Variants in IL1RAPL1 observed in about 807,000 individuals in gnomAD.
IL1RAPL1 encodes the protein interleukin-1 receptor accessory protein-like 1.
In IL1RAPL1, 3 loss-of-function variants were observed where a neutral mutation model predicts 48.4. The observed-to-expected ratio is 0.06, with a 90% CI of 0.03 to 0.16. IL1RAPL1 has a LOEUF of 0.16. Among genes scored for constraint, IL1RAPL1 ranks in the 10% least tolerant of loss-of-function variants. The probability of loss-of-function intolerance (pLI) is 1.00; values close to 1 mark genes in which losing one functional copy is unlikely to be tolerated. For synonymous variants in IL1RAPL1, 185 were observed against 187.7 expected (o/e 0.99, Z 0.12); for missense variants, 349 against 530.6 (o/e 0.66, Z 3.36).
rs1158532022 is a variant in IL1RAPL1, at chrX:29,811,755, C to A, written c.779-105709C>A. Among the ~76,000 whole-genome samples, 5 of 111,988 alleles carry A rather than the reference C, an allele frequency of 4.5e-5. No homozygotes were observed. In the East Asian group the frequency reaches 1.4e-3, roughly 31 times the overall value. On this transcript the variant is annotated intron_variant, in intron 6 of 10. Transcript: ENST00000378993. ...ATTTGAAAACTTACCAAATTATACA[C>A]TTTATGCAGTTAATTGTATGTTAAT...
At chrX:29,440,750 A>G (rs1934539130) in intron 5 of IL1RAPL1, among the ~76,000 whole-genome samples, 1 of 112,392 alleles carries the variant, frequency 8.9e-6, no homozygotes, top group African/African-American at 3.2e-5. Flanking sequence ...AAGAAAATCA[A>G]TGAAGGAAAC....
intron 2 of IL1RAPL1, among the ~76,000 whole-genome samples, chrX:29,223,339 C>G (rs1288728576): frequency 1.8e-5 from 2 of 111,142 alleles, no homozygotes; most frequent in Non-Finnish European, 3.8e-5. Flanking sequence ...TTTGGAAATA[C>G]TAGCCACACT....
intron 2 of IL1RAPL1, among the ~76,000 whole-genome samples, chrX:28,913,682 C>T (rs1204928187): frequency 1.8e-5 from 2 of 110,990 alleles, no homozygotes; most frequent in Admixed American, 9.6e-5. Flanking sequence ...CAGAGCAAGA[C>T]GCTGTTTCTA....
At chrX:29,702,446 G>A (rs755267874) in intron 6 of IL1RAPL1, among the ~76,000 whole-genome samples, 27 of 110,869 alleles carry the variant, frequency 2.4e-4, no homozygotes, top group African/African-American at 7.2e-4. Context: ...GACATTTGCC[G>A]TTCACCAACC....
At chrX:29,609,481 T>G (rs1329014604) in intron 5 of IL1RAPL1, among the ~76,000 whole-genome samples, 4 of 112,017 alleles carry the variant, frequency 3.6e-5, no homozygotes, top group African/African-American at 1.3e-4. Context: ...CTCATACTAA[T>G]TTTCCCAAAT....
chrX:28,748,492 A>G (rs1353133544), intron 1 of IL1RAPL1, among the ~76,000 whole-genome samples: 1 of 111,793 alleles, frequency 8.9e-6, no homozygotes, highest in African/African-American at 3.2e-5. Flanking sequence ...TTAGGACTGT[A>G]TGTTCAACAA....
intron 3 of IL1RAPL1, among the ~76,000 whole-genome samples, chrX:29,312,644 C>T (rs772994591): frequency 9.0e-6 from 1 of 110,964 alleles, no homozygotes; most frequent in Non-Finnish European, 1.9e-5. Flanking sequence ...TTTTTGCCAC[C>T]CCAACCACTT....
chrX:28,818,202 T>A (rs1208466990), intron 2 of IL1RAPL1, among the ~76,000 whole-genome samples: 1 of 111,050 alleles, frequency 9.0e-6, no homozygotes, highest in African/African-American at 3.3e-5. Context: ...GCTTTAGATT[T>A]ACAAAAATTT....
intron 5 of IL1RAPL1, among the ~76,000 whole-genome samples, chrX:29,529,171 A>G (rs2147777318): frequency 8.9e-6 from 1 of 112,116 alleles, no homozygotes; most frequent in East Asian, 2.8e-4. Context: ...TTCCAGATTA[A>G]GAGAAACTAA....
At chrX:29,514,248 T>C (rs1935423101) in intron 5 of IL1RAPL1, among the ~76,000 whole-genome samples, 1 of 111,714 alleles carries the variant, frequency 9.0e-6, no homozygotes. Flanking sequence ...AAAATATTTG[T>C]CCTAACTTTT....
At chrX:29,557,653 C>G (rs1922047315) in intron 5 of IL1RAPL1, among the ~76,000 whole-genome samples, 1 of 111,440 alleles carries the variant, frequency 9.0e-6, no homozygotes, top group Admixed American at 9.5e-5. Context: ...ACTTTGTACA[C>G]TTTGATCAAC....
intron 1 of IL1RAPL1, among the ~76,000 whole-genome samples, chrX:28,666,754 A>T (rs1173185476): frequency 1.8e-5 from 2 of 112,157 alleles, no homozygotes; most frequent in Non-Finnish European, 3.8e-5. Context: ...GATGATACTT[A>T]GATTTATTTT....
intron 2 of IL1RAPL1, among the ~76,000 whole-genome samples, chrX:28,805,135 C>T (rs909225951): frequency 9.1e-6 from 1 of 110,171 alleles, no homozygotes; most frequent in African/African-American, 3.3e-5. Flanking sequence ...GCCAGTAGTC[C>T]AGGTAAGAAA....
intron 6 of IL1RAPL1, among the ~76,000 whole-genome samples, chrX:29,819,596 A>G (rs1000991157): frequency 3.6e-5 from 4 of 110,831 alleles, no homozygotes; most frequent in Non-Finnish European, 7.5e-5. Context: ...TCAGTATGTA[A>G]TTATTGCTAA....
intron 2 of IL1RAPL1, among the ~76,000 whole-genome samples, chrX:28,856,290 C>G (rs1357440740): frequency 9.0e-6 from 1 of 111,306 alleles, no homozygotes; most frequent in African/African-American, 3.3e-5. Context: ...AATGTTTACT[C>G]AAGGATAAGT....
chrX:29,356,866 T>G (rs185548604), intron 3 of IL1RAPL1, among the ~76,000 whole-genome samples: 75 of 111,823 alleles, frequency 6.7e-4, no homozygotes, highest in Non-Finnish European at 1.1e-3. Flanking sequence ...CCACTAGAAG[T>G]GCTTGAAGAT....
chrX:29,217,567 C>T (rs1300761099), intron 2 of IL1RAPL1, among the ~76,000 whole-genome samples: 3 of 111,301 alleles, frequency 2.7e-5, no homozygotes, highest in Non-Finnish European at 5.7e-5. Context: ...TGTGCATTGC[C>T]AGGTAGCTGC....
rs1933274948 is a variant in IL1RAPL1 at position 29,354,406 on chromosome X, G to C, written c.363-41852G>C. Among the ~76,000 whole-genome samples, 3 of 111,920 alleles carry C rather than the reference G, an allele frequency of 2.7e-5. No homozygotes were observed. In the Admixed American group the frequency reaches 2.9e-4, roughly 11 times the overall value. ...ATTCTCCTCTGCTCCTCATAGTTTA[G>C]TGTAGCCTACCTTAAACATGTTCAG... On this transcript the variant is annotated intron_variant, in intron 3 of 10. Transcript: ENST00000378993.
chrX:29,162,966 G>A (rs1308339451), intron 2 of IL1RAPL1, among the ~76,000 whole-genome samples: 4 of 109,450 alleles, frequency 3.7e-5, no homozygotes, highest in African/African-American at 6.7e-5. Flanking sequence ...CCAGCTACTC[G>A]GGAGGCTGAG....
Sources: gnomAD v4.1 joint callset for allele counts (sites outside exome capture counted in the v4.1 genomes callset) on GRCh38, gnomAD v4.1.1 for gene constraint, MANE v1.5 for transcripts, NCBI Gene and HGNC (gene_info 2026-07-23, HGNC 2026-07-21) for gene names.